PKIB: variants seen among roughly 807,000 people sequenced by gnomAD.
PKIB encodes the protein cAMP-dependent protein kinase inhibitor beta.
A neutral mutation model predicts 4.5 loss-of-function variants in PKIB; 2 were observed. The observed-to-expected ratio is 0.44, with a 90% confidence interval of 0.18 to 1.39. The LOEUF (loss-of-function observed/expected upper bound fraction) is 1.39. Among genes scored for constraint, PKIB ranks in the 40% most tolerant of loss-of-function variants. The pLI, the probability that PKIB is intolerant of heterozygous loss-of-function variation, is 0.27. For synonymous variants in PKIB, 38 were observed against 36.0 expected (o/e 1.06, Z -0.20); for missense variants, 94 against 92.6 (o/e 1.02, Z -0.06).
chr6:122,619,004 T>A lies in PKIB; in HGVS notation c.-161+8469T>A, dbSNP rs571195386. ...AATCAGTGGGAAAATATAGCTACATTTGTATTTCTTTGATTGGTAGTGAGG... is the reference window on the plus strand; with the variant it reads ...AATCAGTGGGAAAATATAGCTACATATGTATTTCTTTGATTGGTAGTGAGG... On this transcript the variant is annotated intron_variant, in intron 1 of 4. Coordinates refer to ENST00000368452, the MANE Select transcript of PKIB (RefSeq NM_181795.3). Among the ~76,000 whole-genome samples the A allele has an allele frequency of 1.1e-3, 160 of 152,114 alleles. 2 individuals carry two copies. Among genetic ancestry groups the A allele is most frequent in the Non-Finnish European group, 1.1e-3 (73 of 67,970 alleles).
chr6:122,491,453 C>T (rs1775931539), intron 2 of PKIB, among the ~76,000 whole-genome samples: 1 of 152,158 alleles, frequency 6.6e-6, no homozygotes, highest in South Asian at 2.1e-4. Flanking sequence ...TGACCATCAC[C>T]TGATGGTCAC....
At chr6:122,555,428 A>G (rs1772809212) in intron 2 of PKIB, among the ~76,000 whole-genome samples, 1 of 152,212 alleles carries the variant, frequency 6.6e-6, no homozygotes, top group Non-Finnish European at 1.5e-5. Flanking sequence ...TTTGGCTATG[A>G]GTTGTTTGCA....
chr6:122,620,916 G>A (rs1459352803), intron 1 of PKIB, among the ~76,000 whole-genome samples: 1 of 152,094 alleles, frequency 6.6e-6, no homozygotes, highest in African/African-American at 2.4e-5. Flanking sequence ...TTGCTTATCT[G>A]AATGAAAAGT....
intron 2 of PKIB, among the ~76,000 whole-genome samples, chr6:122,537,057 G>A (rs1219657961): frequency 1.3e-5 from 2 of 151,482 alleles, no homozygotes; most frequent in Non-Finnish European, 1.5e-5. Context: ...TGTGGATGCT[G>A]GTAAATTTTT....
At chr6:122,505,914 C>T (rs1009636980) in intron 2 of PKIB, among the ~76,000 whole-genome samples, 3 of 152,096 alleles carry the variant, frequency 2.0e-5, no homozygotes, top group Admixed American at 6.5e-5. Flanking sequence ...CTGAGTTCCA[C>T]AATTTTTGAG....
intron 3 of PKIB, among the ~76,000 whole-genome samples, chr6:122,712,642 A>T (rs557462300): frequency 6.6e-6 from 1 of 152,146 alleles, no homozygotes; most frequent in Non-Finnish European, 1.5e-5. Context: ...GTTTTTTCAG[A>T]AAGTCTGACT....
At chr6:122,562,862 T>G (rs1309845938) in intron 2 of PKIB, among the ~76,000 whole-genome samples, 2 of 152,126 alleles carry the variant, frequency 1.3e-5, no homozygotes, top group African/African-American at 4.8e-5. Flanking sequence ...TCCCTTCACT[T>G]CTGGTATCAT....
chr6:122,636,495 C>T (rs969739505), intron 2 of PKIB, among the ~76,000 whole-genome samples: 3 of 151,716 alleles, frequency 2.0e-5, no homozygotes, highest in African/African-American at 7.3e-5. Flanking sequence ...ATGTACAAGA[C>T]TTAAGAAAAT....
Position 122,690,335 on chromosome 6 carries a change from G to A in PKIB, c.-9+15191G>A, listed in dbSNP as rs151226820. Among the ~76,000 whole-genome samples, 1,046 of 151,546 alleles carry A rather than the reference G, an allele frequency of 6.9e-3. 8 individuals carry two copies. The highest frequency in any genetic ancestry group is 0.014 in the Middle Eastern group (4 of 292). ...TTTGTGGTCTTTTCTCCTTTCCTGC[G>A]TTCCTTTTAGTGAAGATGATTTTCT... is the stretch of plus-strand genomic sequence containing the variant. On this transcript the variant is annotated intron_variant, in intron 3 of 4. Coordinates refer to ENST00000368452, the MANE Select transcript of PKIB (RefSeq NM_181795.3).
chr6:122,641,560 C>T (rs1048065608), intron 2 of PKIB, among the ~76,000 whole-genome samples: 3 of 152,032 alleles, frequency 2.0e-5, no homozygotes, highest in South Asian at 4.2e-4. Context: ...AACAAAGCTT[C>T]GAGAGGTGAT....
At chr6:122,634,296 G>A (rs916216346) in intron 2 of PKIB, among the ~76,000 whole-genome samples, 4 of 151,890 alleles carry the variant, frequency 2.6e-5, no homozygotes, top group East Asian at 1.9e-4. Flanking sequence ...ACCATGGCAC[G>A]TGTATACCTA....
chr6:122,515,504 T>C (rs1776720377), intron 2 of PKIB, among the ~76,000 whole-genome samples: 1 of 152,150 alleles, frequency 6.6e-6, no homozygotes, highest in South Asian at 2.1e-4. Context: ...AAAGGCAAAG[T>C]CTTCTCACAT....
intron 3 of PKIB, among the ~76,000 whole-genome samples, chr6:122,696,620 T>C (rs1206835553): frequency 1.3e-5 from 2 of 151,970 alleles, no homozygotes; most frequent in Non-Finnish European, 2.9e-5. Flanking sequence ...CTCAGAGGAG[T>C]GAAACTCTGA....
rs187455030 is a variant in PKIB at position 122,721,694 on chromosome 6, G to A, written c.170-3434G>A. On this transcript the variant is annotated intron_variant, in intron 4 of 4. Transcript: ENST00000368452. ...CTATTATATCTGATTTATATTAAAC[G>A]TATATTAATGAAAAGCCTAATTTAG... Among the ~76,000 whole-genome samples, 7 of 152,004 alleles carry A rather than the reference G, an allele frequency of 4.6e-5. No homozygotes were observed. The East Asian group carries it at 7.7e-4, about 17-fold the overall frequency.
At chr6:122,567,285 G>GACT (rs1773222447) in intron 2 of PKIB, among the ~76,000 whole-genome samples, 4 of 152,302 alleles carry the variant, frequency 2.6e-5, no homozygotes, top group Non-Finnish European at 5.9e-5. Flanking sequence ...CTCAAATAGT[G>GACT]GCTGATGAGA....
intron 2 of PKIB, among the ~76,000 whole-genome samples, chr6:122,494,698 G>T (rs953962326): frequency 6.6e-6 from 1 of 152,192 alleles, no homozygotes; most frequent in Non-Finnish European, 1.5e-5. Context: ...GGTCATCAAA[G>T]GGATCGTTTC....
chr6:122,641,755 A>G (rs568139161), intron 2 of PKIB, among the ~76,000 whole-genome samples: 1 of 152,158 alleles, frequency 6.6e-6, no homozygotes, highest in Non-Finnish European at 1.5e-5. Context: ...GGGCAACCAC[A>G]TGATCTCCGC....
chr6:122,696,458 A>G (rs1160875904), intron 3 of PKIB, among the ~76,000 whole-genome samples: 1 of 152,206 alleles, frequency 6.6e-6, no homozygotes. Context: ...CCAAATGTAA[A>G]GAGGACTATC....
intron 2 of PKIB, among the ~76,000 whole-genome samples, chr6:122,549,884 TTA>T (rs573461987): frequency 2.5e-4 from 36 of 145,904 alleles, no homozygotes; most frequent in Admixed American, 7.6e-4. Flanking sequence ...ATATATAATT[TTA>T]TATATACACA....
Sources: gnomAD v4.1 joint callset for allele counts (sites outside exome capture counted in the v4.1 genomes callset) on GRCh38, gnomAD v4.1.1 for gene constraint, MANE v1.5 for transcripts, NCBI Gene and HGNC (gene_info 2026-07-23, HGNC 2026-07-21) for gene names.